The following FARSB variants were observed in gnomAD, a reference collection of about 807,000 sequenced individuals.
The protein encoded by FARSB is phenylalanine--tRNA ligase beta subunit.
A neutral mutation model predicts 69.6 loss-of-function variants in FARSB; 40 were observed. That is an observed-to-expected ratio of 0.57 (90% CI 0.45 to 0.75). FARSB has a LOEUF of 0.75. FARSB is among the 30% of genes least tolerant of loss of function. The pLI is 0.00. For synonymous variants in FARSB, 235 were observed against 247.2 expected (o/e 0.95, Z 0.46); for missense variants, 632 against 722.9 (o/e 0.87, Z 1.44).
intron 1 of FARSB, among the ~76,000 whole-genome samples, chr2:222,652,651 C>G (rs1692067910): frequency 6.6e-6 from 1 of 152,198 alleles, no homozygotes; most frequent in Non-Finnish European, 1.5e-5. Flanking sequence ...CCAACAACCA[C>G]TTGAATGAAC....
intron 10 of FARSB, among the ~76,000 whole-genome samples, chr2:222,627,422 G>A (rs550170360): frequency 6.6e-6 from 1 of 152,338 alleles, no homozygotes; most frequent in East Asian, 1.9e-4. Flanking sequence ...AGAAGCAGAC[G>A]TGAGTGAGGC....
intron 14 of FARSB, among the ~76,000 whole-genome samples, chr2:222,614,472 G>A (rs1031439306): frequency 8.5e-5 from 13 of 152,148 alleles, no homozygotes; most frequent in Admixed American, 7.9e-4. Context: ...GATTTCAAAT[G>A]CATGTTTGCA....
intron 16 of FARSB, among the ~76,000 whole-genome samples, chr2:222,593,964 A>C (rs987291260): frequency 2.0e-5 from 3 of 151,868 alleles, no homozygotes; most frequent in African/African-American, 7.3e-5. Flanking sequence ...TAATTCACTA[A>C]AAATTATTTT....
chr2:222,600,673 A>C lies in FARSB; in HGVS notation c.1463-590T>G, dbSNP rs183770549. 1.4e-3 allele frequency among the ~76,000 whole-genome samples: 220 copies of C among 152,338 alleles called. 1 individual carries two copies. Among genetic ancestry groups the C allele is most frequent in the Admixed American group, 0.013 (192 of 15,302 alleles). ...TTAAAAAGAGACCACAAGGTTCAAAAAGAGGCAAAACTAAATTACATTGTT... is the reference window on the plus strand; with the variant it reads ...TTAAAAAGAGACCACAAGGTTCAAACAGAGGCAAAACTAAATTACATTGTT... On this transcript the variant is annotated intron_variant, in intron 15 of 16. Coordinates refer to ENST00000281828, the MANE Select transcript of FARSB (RefSeq NM_005687.5).
rs905163430 is a variant in FARSB at position 222,567,700 on chromosome 2, C to T, written c.*4171G>A. ...GAATAATATATAGTTCAAGTACAAACGTCACATCAAAGAAATATCTAATGA... is the reference window on the plus strand; with the variant it reads ...GAATAATATATAGTTCAAGTACAAATGTCACATCAAAGAAATATCTAATGA... On this transcript the variant is annotated 3_prime_UTR_variant, in exon 17 of 17. Transcript: ENST00000281828. 4 of 152,162 alleles carry T rather than the reference C, an allele frequency of 2.6e-5. No individual in the cohort carries two copies. The highest frequency in any genetic ancestry group is 1.9e-4 in the East Asian group (1 of 5,204). The allele number at this position is 152,162 out of a possible 1,614,324, so 9.4% of individuals were successfully genotyped here.
At chr2:222,635,580 A>C (rs145611643) in intron 5 of FARSB, among the ~76,000 whole-genome samples, 1 of 152,352 alleles carries the variant, frequency 6.6e-6, no homozygotes, top group Non-Finnish European at 1.5e-5. Flanking sequence ...ATAATTGACA[A>C]ATGCACAGGT....
intron 16 of FARSB, among the ~76,000 whole-genome samples, chr2:222,584,412 C>G (rs760079737): frequency 5.9e-5 from 9 of 152,168 alleles, no homozygotes; most frequent in Admixed American, 1.3e-4. Flanking sequence ...CTCCAGTCTA[C>G]AGCTCCCAGC....
intron 16 of FARSB, among the ~76,000 whole-genome samples, chr2:222,589,928 T>C (rs1690218841): frequency 1.3e-5 from 2 of 152,184 alleles, no homozygotes; most frequent in Admixed American, 1.3e-4. Context: ...GACTGTAAAC[T>C]AGTTCAACCA....
At chr2:222,621,644 C>A (rs1331099964) in intron 13 of FARSB, among the ~76,000 whole-genome samples, 1 of 152,058 alleles carries the variant, frequency 6.6e-6, no homozygotes, top group Non-Finnish European at 1.5e-5. Context: ...GTACATAAGC[C>A]AACTTAAAAG....
intron 14 of FARSB, among the ~76,000 whole-genome samples, chr2:222,619,394 G>A (rs1193353205): frequency 6.6e-6 from 1 of 150,882 alleles, no homozygotes; most frequent in African/African-American, 2.4e-5. Flanking sequence ...TCAGACAAGA[G>A]AGATTGGGCC....
intron 16 of FARSB, among the ~76,000 whole-genome samples, chr2:222,587,052 A>G (rs1175009402): frequency 6.6e-6 from 1 of 152,242 alleles, no homozygotes; most frequent in African/African-American, 2.4e-5. Context: ...AACAGAATAT[A>G]CATTCTTCTC....
At chr2:222,582,298 C>G (rs1018393605) in intron 16 of FARSB, among the ~76,000 whole-genome samples, 1 of 152,132 alleles carries the variant, frequency 6.6e-6, no homozygotes, top group African/African-American at 2.4e-5. Context: ...TGTAGGCTGT[C>G]AGGTAAAACA....
At position 222,567,563 on chromosome 2, in the gene FARSB, G is replaced by T. The variant is rs188133443; in HGVS notation, c.*4308C>A. On this transcript the variant is annotated 3_prime_UTR_variant, in exon 17 of 17. Coordinates refer to ENST00000281828, the MANE Select transcript of FARSB (RefSeq NM_005687.5). ...GCAGGGGCAGTGGTTAGGCTGGCTG[G>T]TTTGTAGTAGATTACTCCTGTTTAA... 2 of 152,220 alleles carry T rather than the reference G, an allele frequency of 1.3e-5. No individual in the cohort carries two copies. Among genetic ancestry groups the T allele is most frequent in the Non-Finnish European group, 2.9e-5 (2 of 68,028 alleles). The allele number at this position is 152,220 out of a possible 1,614,324, so 9.4% of individuals were successfully genotyped here.
chr2:222,593,203 A>AG (rs1057433771), intron 16 of FARSB, among the ~76,000 whole-genome samples: 2 of 152,154 alleles, frequency 1.3e-5, no homozygotes, highest in South Asian at 2.1e-4. Context: ...GGGGCGGGGC[A>AG]GGGGGGTATG....
intron 16 of FARSB, among the ~76,000 whole-genome samples, chr2:222,595,453 A>G (rs1690385120): frequency 6.6e-6 from 1 of 152,212 alleles, no homozygotes; most frequent in Admixed American, 6.5e-5. Flanking sequence ...AGCAGAAGGT[A>G]CTACCCACTG....
At chr2:222,634,345 T>G in intron 6 of FARSB, 46 bp downstream of exon 6, 1 of 1,381,524 alleles carries the variant, frequency 7.2e-7, no homozygotes, top group Non-Finnish European at 9.8e-7. Context: ...TTGATGGAAT[T>G]TCATGATTTT....
rs1691837675 is a variant in FARSB at position 222,645,813 on chromosome 2, A to C, written c.115-2808T>G. Among the ~76,000 whole-genome samples the C allele has an allele frequency of 2.6e-5, 4 of 152,156 alleles. No homozygotes were observed. The South Asian group carries it at 8.3e-4, about 32-fold the overall frequency. ...CATTTTTTGGAAGTTGCTGAAATTG[A>C]GATAAAAAATATTGTTTTTTTATGA... On this transcript the variant is annotated intron_variant, in intron 2 of 16. Coordinates refer to ENST00000281828, the MANE Select transcript of FARSB (RefSeq NM_005687.5).
At chr2:222,605,193 C>CTCTCTCTCTCTG (rs762324554) in intron 15 of FARSB, among the ~76,000 whole-genome samples, 3 of 151,734 alleles carry the variant, frequency 2.0e-5, no homozygotes, top group Non-Finnish European at 2.9e-5. Context: ...CTCTCTCTCT[C>CTCTCTCTCTCTG]TGTGTCTCCC....
intron 1 of FARSB, among the ~76,000 whole-genome samples, chr2:222,650,330 A>T (rs1479389421): frequency 2.0e-5 from 3 of 152,236 alleles, no homozygotes; most frequent in Non-Finnish European, 4.4e-5. Flanking sequence ...CGGCTGGGCA[A>T]AAACATGATT....
Sources: allele counts gnomAD v4.1 joint callset (sites outside exome capture counted in the v4.1 genomes callset), GRCh38; gene constraint gnomAD v4.1.1; transcripts MANE v1.5; gene names NCBI Gene and HGNC (gene_info 2026-07-23, HGNC 2026-07-21).